GFM2: variants seen among roughly 807,000 people sequenced by gnomAD.
The protein encoded by GFM2 is ribosome-releasing factor 2, mitochondrial.
A neutral mutation model predicts 95.4 loss-of-function variants in GFM2; 72 were observed. The ratio of observed to expected loss-of-function variants is 0.76; its 90% confidence interval spans 0.62 to 0.92. The LOEUF (loss-of-function observed/expected upper bound fraction) is 0.92, where lower values mean the gene tolerates loss of function less well. Ranked by LOEUF, GFM2 falls within the 40% of genes least tolerant of loss-of-function variation. The pLI is 0.00. For missense variants in GFM2, 825 were observed against 924.1 expected, an observed-to-expected ratio of 0.89 and a Z score of 1.39; for synonymous variants, 276 against 317.5, an observed-to-expected ratio of 0.87 and a Z score of 1.39.
At chr5:74,763,180 T>C (rs1476089801) in intron 2 of GFM2, among the ~76,000 whole-genome samples, 1 of 152,220 alleles carries the variant, frequency 6.6e-6, no homozygotes, top group Non-Finnish European at 1.5e-5. Context: ...TAAAACAATG[T>C]TCCTGAGACA....
chr5:74,737,881 T>C (rs112686170), intron 14 of GFM2, among the ~76,000 whole-genome samples: 1 of 152,104 alleles, frequency 6.6e-6, no homozygotes, highest in African/African-American at 2.4e-5. Context: ...TGTAGGGCAT[T>C]GAACAAAAAA....
intron 3 of GFM2, 57 bp from the exon 4 acceptor site, chr5:74,759,483 T>C (rs1744173879): frequency 1.1e-6 from 1 of 921,584 alleles, no homozygotes; most frequent in East Asian, 2.4e-5. Context: ...TCCTTTAATT[T>C]ATAAATGAAA....
intron 17 of GFM2, among the ~76,000 whole-genome samples, chr5:74,729,881 A>G (rs928006114): frequency 2.0e-5 from 3 of 152,178 alleles, no homozygotes; most frequent in Admixed American, 6.5e-5. Context: ...TAGAATAATC[A>G]TATTTATTAA....
At chr5:74,763,587 T>C (rs1214636937) in intron 2 of GFM2, 93 bp downstream of exon 2, 3 of 658,584 alleles carry the variant, frequency 4.6e-6, no homozygotes, top group Non-Finnish European at 8.2e-6. Flanking sequence ...CAACTAAATT[T>C]GGAATCAACA....
chr5:74,741,639 C>T (rs1473680385), intron 10 of GFM2, 30 bp from the exon 11 acceptor site: 7 of 1,155,610 alleles, frequency 6.1e-6, no homozygotes, highest in Non-Finnish European at 7.6e-6. Context: ...AGTTCTATAA[C>T]TTGCATTTAC....
chr5:74,766,082 G>C (rs1744579320), intron 1 of GFM2, among the ~76,000 whole-genome samples: 1 of 152,216 alleles, frequency 6.6e-6, no homozygotes, highest in Admixed American at 6.5e-5. Context: ...GAGGCGGGTG[G>C]ATCGCTCGTA....
At chr5:74,760,105 C>T (rs182728038) in intron 3 of GFM2, among the ~76,000 whole-genome samples, 1 of 152,078 alleles carries the variant, frequency 6.6e-6, no homozygotes, top group East Asian at 1.9e-4. Flanking sequence ...TTAATTAAAG[C>T]CTTCCTGTTA....
intron 8 of GFM2, among the ~76,000 whole-genome samples, chr5:74,746,961 T>C (rs11960413): frequency 0.024 from 3,679 of 152,266 alleles, 154 homozygotes; most frequent in African/African-American, 0.084. Context: ...AATTACTGTG[T>C]AGTTTTAGGG....
At chr5:74,729,791 T>G (rs1185048562) in intron 17 of GFM2, among the ~76,000 whole-genome samples, 5 of 151,818 alleles carry the variant, frequency 3.3e-5, no homozygotes, top group Non-Finnish European at 4.4e-5. Flanking sequence ...CAAATTAAAA[T>G]CATATGCAGA....
chr5:74,736,842 A>T lies in GFM2; in HGVS notation c.1464T>A (p.Pro488=), dbSNP rs1271873091. Residue 488 remains proline (P), a synonymous_variant, in exon 15 of 21, where the codon CCT becomes CCA. Coordinates refer to ENST00000296805, the MANE Select transcript of GFM2 (RefSeq NM_032380.5). ...LLLAGVEIPE[P]VFFCTIEPPS... ...GGGGTTCTATGGTACAGAAGAAAAC[A>T]GGTTCTGGAATCTCCACTCCAGCCA... The T allele has an allele frequency of 6.2e-7, 1 of 1,613,966 alleles. No individual in the cohort carries two copies. The highest frequency in any genetic ancestry group is 8.5e-7 in the Non-Finnish European group (1 of 1,179,866).
At chr5:74,762,369 C>T (rs1561265738) in intron 2 of GFM2, among the ~76,000 whole-genome samples, 1 of 152,138 alleles carries the variant, frequency 6.6e-6, no homozygotes, top group Non-Finnish European at 1.5e-5. Context: ...ATGTCTTCTG[C>T]CCACAAACTG....
chr5:74,742,256 G>GT (rs1743147415), intron 10 of GFM2, among the ~76,000 whole-genome samples: 1 of 135,418 alleles, frequency 7.4e-6, no homozygotes, highest in South Asian at 2.5e-4. Flanking sequence ...TTCAAACTTG[G>GT]TAAAAAAAAA....
chr5:74,749,378 T>C (rs568582718), intron 7 of GFM2, among the ~76,000 whole-genome samples: 11 of 152,270 alleles, frequency 7.2e-5, no homozygotes, highest in Admixed American at 7.2e-4. Flanking sequence ...CTCACCAACA[T>C]TTGCTATCAC....
intron 17 of GFM2, among the ~76,000 whole-genome samples, chr5:74,728,375 T>G (rs1750245127): frequency 6.6e-6 from 1 of 152,180 alleles, no homozygotes; most frequent in Non-Finnish European, 1.5e-5. Context: ...TTACTATTTA[T>G]TAAGTAAAAG....
At chr5:74,743,841 C>T (rs1743233950) in intron 10 of GFM2, among the ~76,000 whole-genome samples, 1 of 152,156 alleles carries the variant, frequency 6.6e-6, no homozygotes, top group African/African-American at 2.4e-5. Context: ...TGTGTGACAA[C>T]TTATTTAAGC....
rs753515273 is a variant in GFM2 at position 74,721,608 on chromosome 5, A to C, written c.*47T>G. ...GCAATAAAAATTGTTCTTACTGAAA[A>C]TGAAGTAGCTAGGTGCTCCTGAATT... On this transcript the variant is annotated 3_prime_UTR_variant, in exon 21 of 21. Transcript: ENST00000296805. 3 of 1,585,300 alleles carry C rather than the reference A, an allele frequency of 1.9e-6. No homozygotes were observed. The highest frequency in any genetic ancestry group is 2.3e-5 in the South Asian group (2 of 86,764).
Position 74,736,827 on chromosome 5 carries a change from G to A in GFM2, c.1479C>T (p.Thr493=), listed in dbSNP as rs577899789. The A allele has an allele frequency of 3.6e-5, 58 of 1,613,884 alleles. 1 individual carries two copies. In the South Asian group the frequency reaches 5.2e-4, roughly 14 times the overall value. Residue 493 remains threonine (T), a synonymous_variant, in exon 15 of 21, where the codon ACC becomes ACT. Transcript: ENST00000296805. The part of the protein sequence containing the change: ...VEIPEPVFFC[T]IEPPSLSKQP... ...GCTTAGACAGTGATGGGGGTTCTATGGTACAGAAGAAAACAGGTTCTGGAA... is the reference window on the plus strand; with the variant it reads ...GCTTAGACAGTGATGGGGGTTCTATAGTACAGAAGAAAACAGGTTCTGGAA...
chr5:74,729,209 C>CT (rs987271742), intron 17 of GFM2, among the ~76,000 whole-genome samples: 2 of 152,134 alleles, frequency 1.3e-5, no homozygotes, highest in Non-Finnish European at 2.9e-5. Context: ...TGAACTTAGG[C>CT]TAAAGACCTG....
intron 17 of GFM2, 109 bp from the exon 18 acceptor site, chr5:74,726,235 A>T: frequency 1.4e-6 from 1 of 700,962 alleles, no homozygotes; most frequent in South Asian, 1.9e-5. Context: ...TACAAGATAA[A>T]GTGGGAGAGA....
Sources: gnomAD v4.1 joint callset for allele counts (sites outside exome capture counted in the v4.1 genomes callset) on GRCh38, gnomAD v4.1.1 for gene constraint, MANE v1.5 for transcripts, NCBI Gene and HGNC (gene_info 2026-07-23, HGNC 2026-07-21) for gene names.